The following DLG2 variants were observed in gnomAD, a reference collection of about 807,000 sequenced individuals.
DLG2 encodes the protein discs large MAGUK scaffold protein 2.
DLG2 carries 45 observed loss-of-function variants against 132.5 expected under a neutral mutation model. That is an observed-to-expected ratio of 0.34 (90% CI 0.27 to 0.44). DLG2 has a LOEUF of 0.44. Ranked by LOEUF, DLG2 falls within the 20% of genes least tolerant of loss-of-function variation. The pLI is 1.00. For missense variants in DLG2, 1,045 were observed against 1,196.9 expected, an observed-to-expected ratio of 0.87 and a Z score of 1.87; for synonymous variants, 424 against 419.6, an observed-to-expected ratio of 1.01 and a Z score of -0.13.
At chr11:84,423,621 T>C (rs1567597193) in intron 7 of DLG2, among the ~76,000 whole-genome samples, 1 of 152,184 alleles carries the variant, frequency 6.6e-6, no homozygotes, top group Non-Finnish European at 1.5e-5. Context: ...ATAGGCCATG[T>C]TCACCATCAC....
At chr11:85,433,855 C>T (rs1418134829) in intron 3 of DLG2, among the ~76,000 whole-genome samples, 6 of 152,172 alleles carry the variant, frequency 3.9e-5, no homozygotes, top group Admixed American at 1.3e-4. Flanking sequence ...CCCAAAACTA[C>T]AGAATATACA....
chr11:85,267,473 T>C (rs1016929761), intron 4 of DLG2, among the ~76,000 whole-genome samples: 1 of 152,188 alleles, frequency 6.6e-6, no homozygotes, highest in Non-Finnish European at 1.5e-5. Flanking sequence ...AGGACAGAGA[T>C]CTGATCTCAC....
intron 4 of DLG2, among the ~76,000 whole-genome samples, chr11:85,221,272 G>A (rs1055363494): frequency 2.6e-5 from 4 of 151,852 alleles, no homozygotes; most frequent in African/African-American, 9.7e-5. Flanking sequence ...TCCTGACCTC[G>A]TGATCCATCC....
At chr11:83,908,502 A>T (rs573589699) in intron 15 of DLG2, among the ~76,000 whole-genome samples, 84 of 152,258 alleles carry the variant, frequency 5.5e-4, no homozygotes, top group African/African-American at 2.0e-3. Flanking sequence ...GCACGCATGT[A>T]CATACACATA....
chr11:84,395,133 G>A (rs937030270), intron 7 of DLG2, among the ~76,000 whole-genome samples: 1 of 150,694 alleles, frequency 6.6e-6, no homozygotes, highest in Admixed American at 6.6e-5. Context: ...TTCTCAACTT[G>A]TTTTTAATTT....
intron 14 of DLG2, among the ~76,000 whole-genome samples, chr11:83,938,911 T>TA (rs2082062629): frequency 6.6e-6 from 1 of 152,222 alleles, no homozygotes; most frequent in Non-Finnish European, 1.5e-5. Flanking sequence ...TCTTTTGTGC[T>TA]ACTTGTTCCT....
At chr11:85,111,819 A>C (rs2072800589) in intron 5 of DLG2, 84 bp from the exon 6 acceptor site, 3 of 1,041,506 alleles carry the variant, frequency 2.9e-6, no homozygotes, top group Non-Finnish European at 4.2e-6. Flanking sequence ...TATTATCAAT[A>C]TGTTTATTAC....
intron 4 of DLG2, among the ~76,000 whole-genome samples, chr11:85,227,384 T>C (rs2075039341): frequency 6.6e-6 from 1 of 152,118 alleles, no homozygotes; most frequent in African/African-American, 2.4e-5. Context: ...TTTGGTTTGT[T>C]GTTCCCTTAA....
At chr11:84,977,818 G>C (rs183842877) in intron 6 of DLG2, among the ~76,000 whole-genome samples, 1 of 152,112 alleles carries the variant, frequency 6.6e-6, no homozygotes, top group African/African-American at 2.4e-5. Flanking sequence ...TACCTGGGGG[G>C]TGCCATGATG....
chr11:85,576,088 G>GA (rs1169861589), intron 3 of DLG2, among the ~76,000 whole-genome samples: 2 of 152,118 alleles, frequency 1.3e-5, no homozygotes, highest in Non-Finnish European at 1.5e-5. Flanking sequence ...AAATATGTAA[G>GA]AAAAAATGTA....
rs146784339 is a variant in DLG2 at position 83,895,284 on chromosome 11, C to T, written c.1497-20796G>A. Among the ~76,000 whole-genome samples, 511 of 151,904 alleles carry T rather than the reference C, an allele frequency of 3.4e-3. 5 individuals carry two copies. The highest frequency in any genetic ancestry group is 0.012 in the African/African-American group (493 of 41,456). On this transcript the variant is annotated intron_variant, in intron 15 of 27. Coordinates refer to ENST00000376104, the MANE Select transcript of DLG2 (RefSeq NM_001142699.3). Reference sequence around the variant, plus strand: ...AAGTGATTCTCCTGCCTCAGCCTCCCGAGTAGCTGGGATTACAGGCATGTC... The same window carrying T: ...AAGTGATTCTCCTGCCTCAGCCTCCTGAGTAGCTGGGATTACAGGCATGTC...
intron 8 of DLG2, among the ~76,000 whole-genome samples, chr11:84,181,049 TAAC>T (rs997047649): frequency 2.0e-5 from 3 of 151,992 alleles, no homozygotes; most frequent in African/African-American, 7.2e-5. Context: ...ATCTAACAGA[TAAC>T]AGTTTGTTCA....
chr11:84,249,091 G>A (rs747476184), intron 8 of DLG2, among the ~76,000 whole-genome samples: 14 of 152,118 alleles, frequency 9.2e-5, no homozygotes, highest in Non-Finnish European at 1.5e-4. Context: ...TGGCAGTTAC[G>A]CCACCAGAAC....
intron 9 of DLG2, among the ~76,000 whole-genome samples, chr11:84,104,864 C>T (rs560534545): frequency 2.0e-5 from 3 of 152,130 alleles, no homozygotes; most frequent in South Asian, 4.1e-4. Context: ...CTATGCTAAA[C>T]ACTAATCTAT....
intron 15 of DLG2, among the ~76,000 whole-genome samples, chr11:83,883,192 T>A (rs1043253048): frequency 6.6e-6 from 1 of 152,216 alleles, no homozygotes; most frequent in African/African-American, 2.4e-5. Flanking sequence ...TGTTCCTTCA[T>A]CTTTTTTTTA....
intron 4 of DLG2, among the ~76,000 whole-genome samples, chr11:85,163,986 G>A (rs559632646): frequency 4.6e-5 from 7 of 152,254 alleles, no homozygotes; most frequent in South Asian, 2.1e-4. Flanking sequence ...TTATTCCCCA[G>A]ATTGAAGCTT....
At chr11:84,325,025 C>T in intron 7 of DLG2, among the ~76,000 whole-genome samples, 1 of 151,872 alleles carries the variant, frequency 6.6e-6, no homozygotes, top group East Asian at 1.9e-4. Context: ...TCTTGCCTAC[C>T]TACTCTGGCT....
intron 11 of DLG2, among the ~76,000 whole-genome samples, chr11:84,008,931 T>C (rs910735443): frequency 1.3e-5 from 2 of 149,230 alleles, no homozygotes; most frequent in African/African-American, 2.6e-5. Flanking sequence ...TTGTTTTTTT[T>C]TTTTGTTGTT....
chr11:84,802,713 G>T (rs1351046738), intron 6 of DLG2, among the ~76,000 whole-genome samples: 1 of 151,508 alleles, frequency 6.6e-6, no homozygotes, highest in Non-Finnish European at 1.5e-5. Context: ...AAAGGCCAGA[G>T]ATGAGCAGAG....
Sources: gnomAD v4.1 joint callset for allele counts (sites outside exome capture counted in the v4.1 genomes callset) on GRCh38, gnomAD v4.1.1 for gene constraint, MANE v1.5 for transcripts, NCBI Gene and HGNC (gene_info 2026-07-23, HGNC 2026-07-21) for gene names.